Variants in NDNF observed in about 807,000 individuals in gnomAD.
NDNF encodes the protein protein NDNF.
In NDNF, 16 loss-of-function variants were observed where a neutral mutation model predicts 42.0. The ratio of observed to expected loss-of-function variants is 0.38; its 90% confidence interval spans 0.26 to 0.58. The LOEUF (loss-of-function observed/expected upper bound fraction) is 0.58. Among genes scored for constraint, NDNF ranks in the 20% least tolerant of loss-of-function variants. The pLI is 0.67. For synonymous variants in NDNF, 248 were observed against 251.7 expected (o/e 0.99, Z 0.14); for missense variants, 616 against 666.2 (o/e 0.92, Z 0.83).
At chr4:121,050,374 C>T (rs1318000587) in intron 1 of NDNF, among the ~76,000 whole-genome samples, 1 of 152,094 alleles carries the variant, frequency 6.6e-6, no homozygotes, top group Non-Finnish European at 1.5e-5. Flanking sequence ...CTTTTTGTTA[C>T]TTCTAGGTAG....
At chr4:121,064,310 A>C (rs1727463633) in intron 1 of NDNF, among the ~76,000 whole-genome samples, 1 of 152,202 alleles carries the variant, frequency 6.6e-6, no homozygotes, top group Admixed American at 6.5e-5. Context: ...ATCAAGGGTT[A>C]TACAAAGATA....
Position 121,036,435 on chromosome 4 carries a change from C to T in NDNF, c.1536G>A (p.Lys512=), listed in dbSNP as rs755094600. 6.2e-7 allele frequency: 1 copy of T among 1,614,108 alleles called. No homozygotes were observed. Among genetic ancestry groups the T allele is most frequent in the Non-Finnish European group, 8.5e-7 (1 of 1,180,012 alleles). ...GACTGTGGAAATATTTACAGAGGAC[C>T]TTTTCTGACTTCTTCCTTATATCTG... The part of the protein sequence containing the change: ...LGPDIRKKSE[K]VLCKYFHSQN... Residue 512 remains lysine (K), a synonymous_variant, in exon 4 of 4, where the codon AAG becomes AAA. Transcript: ENST00000379692.
chr4:121,052,618 A>T (rs1727218944), intron 1 of NDNF, among the ~76,000 whole-genome samples: 1 of 152,158 alleles, frequency 6.6e-6, no homozygotes, highest in African/African-American at 2.4e-5. Context: ...GTAAGAAAAA[A>T]ATATATAGCT....
intron 3 of NDNF, chr4:121,038,833 A>C (rs1726926207): frequency 6.6e-6 from 1 of 151,774 alleles, no homozygotes; most frequent in Non-Finnish European, 1.5e-5. Flanking sequence ...CAAAAATACA[A>C]AAAATTAGCT....
At chr4:121,066,267 T>C (rs1158316292) in intron 1 of NDNF, among the ~76,000 whole-genome samples, 1 of 152,196 alleles carries the variant, frequency 6.6e-6, no homozygotes, top group East Asian at 1.9e-4. Flanking sequence ...GACTGATGTT[T>C]TTCCCCAGTT....
At chr4:121,052,582 A>T (rs1179270973) in intron 1 of NDNF, among the ~76,000 whole-genome samples, 2 of 152,194 alleles carry the variant, frequency 1.3e-5, no homozygotes, top group Non-Finnish European at 2.9e-5. Context: ...ACATTTGATA[A>T]TAAATCTGAA....
Position 121,068,289 on chromosome 4 carries a change from T to C in NDNF, c.-2+3704A>G, listed in dbSNP as rs78784041. The stretch of plus-strand genomic sequence containing the variant: ...TGGAAAAATACAGCAGAATTTATCC[T>C]AACTTCAGGGAATAAAATGCAAAGT... On this transcript the variant is annotated intron_variant, in intron 1 of 3. Transcript: ENST00000379692. Among the ~76,000 whole-genome samples the C allele has an allele frequency of 8.3e-3, 1,260 of 152,330 alleles. 7 individuals are homozygous for C. The highest frequency in any genetic ancestry group is 0.01 in the Non-Finnish European group (696 of 68,030).
intron 3 of NDNF, among the ~76,000 whole-genome samples, chr4:121,039,669 A>G (rs1726961698): frequency 6.6e-6 from 1 of 152,068 alleles, no homozygotes; most frequent in African/African-American, 2.4e-5. Context: ...ATTGCAAACC[A>G]CAGCCATAGA....
At chr4:121,049,230 T>C (rs1014895403) in intron 1 of NDNF, among the ~76,000 whole-genome samples, 32 of 152,368 alleles carry the variant, frequency 2.1e-4, no homozygotes, top group Middle Eastern at 3.4e-3. Flanking sequence ...TTGCAAGTAC[T>C]TGGGAGCAGA....
At chr4:121,061,722 AT>A (rs1727412916) in intron 1 of NDNF, among the ~76,000 whole-genome samples, 1 of 152,196 alleles carries the variant, frequency 6.6e-6, no homozygotes, top group East Asian at 1.9e-4. Context: ...TTATTCATTT[AT>A]TCATGCATTT....
At chr4:121,060,138 C>A (rs1482464598) in intron 1 of NDNF, among the ~76,000 whole-genome samples, 1 of 152,046 alleles carries the variant, frequency 6.6e-6, no homozygotes, top group Non-Finnish European at 1.5e-5. Flanking sequence ...ATTATTATAT[C>A]CATACTATTT....
In NDNF at chr4:121,067,758, C is replaced by T. The variant is rs542408749; in HGVS notation, c.-2+4235G>A. Among the ~76,000 whole-genome samples, 343 of 152,284 alleles carry T rather than the reference C, an allele frequency of 2.3e-3. 1 individual carries two copies. Among genetic ancestry groups the T allele is most frequent in the Non-Finnish European group, 3.9e-3 (262 of 68,026 alleles). ...TTTTTAAAATCAAAACAAGCCACAA[C>T]TTTTTTTATTGGGGGAATTAACATT... is the stretch of plus-strand genomic sequence containing the variant. On this transcript the variant is annotated intron_variant, in intron 1 of 3. Transcript: ENST00000379692.
In NDNF at chr4:121,036,461, G is replaced by T; in HGVS notation, c.1510C>A (p.Pro504Thr). The stretch of plus-strand genomic sequence containing the variant: ...TTTTCTGACTTCTTCCTTATATCTG[G>T]TCCTAGACATTGGTTTTGCTCTCTT... Reference protein sequence around the residue: ...KKREQNQCLGPDIRKKSEKVL... With the variant: ...KKREQNQCLGTDIRKKSEKVL... Residue 504 changes from proline (P) to threonine (T), a missense_variant, in exon 4 of 4, where the codon CCA (proline) becomes ACA (threonine). By Grantham distance (38) the Pro-to-Thr change is conservative. Coordinates refer to ENST00000379692, the MANE Select transcript of NDNF (RefSeq NM_024574.4). 3 of 1,614,094 alleles carry T rather than the reference G, an allele frequency of 1.9e-6. No individual in the cohort carries two copies. The South Asian group carries it at 3.3e-5, about 18-fold the overall frequency.
chr4:121,057,870 T>C (rs192701395), intron 1 of NDNF, among the ~76,000 whole-genome samples: 1 of 152,194 alleles, frequency 6.6e-6, no homozygotes, highest in Non-Finnish European at 1.5e-5. Context: ...GAGCTCTCCC[T>C]GTACACTGTC....
rs570860161 is a variant in NDNF at position 121,048,519 on chromosome 4, ACT to A, written c.-1-2683_-1-2682del. On this transcript the variant is annotated intron_variant, in intron 1 of 3. Transcript: ENST00000379692. ...GCATCCTCAACTGCCCTAGGAAAGA[ACT>A]CTCTATTAAATCAGATACTTATAAA... is the stretch of plus-strand genomic sequence containing the variant. 4.6e-4 allele frequency among the ~76,000 whole-genome samples: 70 copies of A among 152,268 alleles called. 1 individual carries two copies. The highest frequency in any genetic ancestry group is 1.5e-3 in the African/African-American group (62 of 41,568).
At chr4:121,051,004 A>G (rs1727184205) in intron 1 of NDNF, among the ~76,000 whole-genome samples, 1 of 152,182 alleles carries the variant, frequency 6.6e-6, no homozygotes, top group South Asian at 2.1e-4. Flanking sequence ...GTATGAATAT[A>G]TACACACACA....
At position 121,039,188 on chromosome 4, in the gene NDNF, GTGTGTATATATATA is replaced by G. The variant is rs1451653752; in HGVS notation, c.313+728_313+741del. Among the ~76,000 whole-genome samples the G allele has an allele frequency of 2.4e-3, 158 of 66,610 alleles. 9 individuals are homozygous for G. Among genetic ancestry groups the G allele is most frequent in the African/African-American group, 0.011 (141 of 13,110 alleles). 43.7% of individuals were successfully genotyped at this position (66,610 alleles called of 152,430 possible). On this transcript the variant is annotated intron_variant, in intron 3 of 3. Transcript: ENST00000379692. Reference sequence around the variant, plus strand: ...ATATATATAAAGACTATGTGTGTGTGTGTGTATATATATATATATATATATATATATATATATAT... The same window carrying G: ...ATATATATAAAGACTATGTGTGTGTGTATATATATATATATATATATATAT...
Position 121,040,039 on chromosome 4 carries a change from A to G in NDNF, c.204T>C (p.Val68=), listed in dbSNP as rs1169935224. 6 of 1,613,596 alleles carry G rather than the reference A, an allele frequency of 3.7e-6. No individual in the cohort carries two copies. Among genetic ancestry groups the G allele is most frequent in the Middle Eastern group, 3.4e-4 (2 of 5,914 alleles). ...CTGATAATGGAGTATTGTCTTCTTC[A>G]ACCACAAAGAAATACCTGTGGGAAA... ...RDTPKRYFFV[V]EEDNTPLSVT... is the part of the protein sequence containing the mutation. Residue 68 remains valine (V), a synonymous_variant, in exon 3 of 4, where the codon GTT becomes GTC. Transcript: ENST00000379692.
intron 1 of NDNF, 82 bp from the exon 2 acceptor site, chr4:121,045,920 T>C: frequency 1.5e-6 from 2 of 1,294,494 alleles, no homozygotes; most frequent in African/African-American, 1.5e-5. Context: ...GGGTTAACAC[T>C]ATTTTAGCTT....
Sources: gnomAD v4.1 joint callset for allele counts (sites outside exome capture counted in the v4.1 genomes callset) on GRCh38, gnomAD v4.1.1 for gene constraint, MANE v1.5 for transcripts, NCBI Gene and HGNC (gene_info 2026-07-23, HGNC 2026-07-21) for gene names.